Variants in CDH12 observed in about 807,000 individuals in gnomAD.
CDH12 encodes the protein cadherin 12.
CDH12 carries 41 observed loss-of-function variants against 74.1 expected under a neutral mutation model. The observed-to-expected ratio is 0.55, with a 90% CI of 0.43 to 0.72. CDH12 has a LOEUF of 0.72. Ranked by LOEUF, CDH12 falls within the 30% of genes least tolerant of loss-of-function variation. CDH12 has a pLI of 0.00. For synonymous variants in CDH12, 399 were observed against 355.0 expected, an observed-to-expected ratio of 1.12 and a Z score of -1.39; for missense variants, 945 against 977.2, an observed-to-expected ratio of 0.97 and a Z score of 0.44.
chr5:22,298,422 C>T (rs1737724414), intron 3 of CDH12, among the ~76,000 whole-genome samples: 1 of 151,904 alleles, frequency 6.6e-6, no homozygotes, highest in South Asian at 2.1e-4. Flanking sequence ...TATATCTAAG[C>T]AAACCTCTAA....
Position 22,773,128 on chromosome 5 carries a change from T to C in CDH12, c.-523+79930A>G, listed in dbSNP as rs7734549. On this transcript the variant is annotated intron_variant, in intron 1 of 14. Coordinates refer to ENST00000382254, the MANE Select transcript of CDH12 (RefSeq NM_004061.5). ...TATTCCTATCAAATTACCAATATAA[T>C]TCTTCATAGAATTAGGAATAGCTAT... is the stretch of plus-strand genomic sequence containing the variant. Among the ~76,000 whole-genome samples the C allele has an allele frequency of 9.8e-3, 1,490 of 152,204 alleles. 28 individuals are homozygous for C. Among genetic ancestry groups the C allele is most frequent in the African/African-American group, 0.034 (1,415 of 41,534 alleles).
intron 1 of CDH12, among the ~76,000 whole-genome samples, chr5:22,674,908 C>T (rs1486960085): frequency 6.6e-6 from 1 of 152,088 alleles, no homozygotes; most frequent in East Asian, 1.9e-4. Flanking sequence ...CAAGAGGTGA[C>T]TTGGGTGCTG....
intron 1 of CDH12, among the ~76,000 whole-genome samples, chr5:22,621,495 G>A (rs1737970991): frequency 6.6e-6 from 1 of 151,752 alleles, no homozygotes; most frequent in Non-Finnish European, 1.5e-5. Context: ...AAAATTCTCA[G>A]AATAAAACAA....
intron 11 of CDH12, among the ~76,000 whole-genome samples, chr5:21,768,874 C>T (rs371402725): frequency 3.9e-5 from 6 of 152,054 alleles, no homozygotes; most frequent in Non-Finnish European, 1.5e-5. Flanking sequence ...TACAAACACT[C>T]CTTAACAAAA....
intron 4 of CDH12, among the ~76,000 whole-genome samples, chr5:22,186,104 G>T (rs1334229135): frequency 2.0e-5 from 3 of 152,126 alleles, no homozygotes; most frequent in African/African-American, 4.8e-5. Context: ...AGATCTCTCT[G>T]CAGTTAAGTG....
chr5:22,434,850 G>T (rs1409543970), intron 2 of CDH12, among the ~76,000 whole-genome samples: 1 of 152,026 alleles, frequency 6.6e-6, no homozygotes, highest in African/African-American at 2.4e-5. Context: ...ATAACTGCTA[G>T]CCTCAGCCTC....
At chr5:21,777,599 T>G (rs892892642) in intron 11 of CDH12, among the ~76,000 whole-genome samples, 129 of 151,906 alleles carry the variant, frequency 8.5e-4, no homozygotes, top group Non-Finnish European at 1.1e-3. Context: ...CTCGGCTCAC[T>G]GCAACCTCCG....
intron 1 of CDH12, among the ~76,000 whole-genome samples, chr5:22,541,958 T>C (rs1738121077): frequency 6.6e-6 from 1 of 152,226 alleles, no homozygotes; most frequent in Non-Finnish European, 1.5e-5. Context: ...TTCATGGACA[T>C]GGCTTTCATT....
rs147110131 is a variant in CDH12, at chr5:21,783,390, T to C, written c.1361A>G (p.Gln454Arg). The C allele has an allele frequency of 8.6e-5, 139 of 1,612,870 alleles. No individual in the cohort carries two copies. The highest frequency in any genetic ancestry group is 9.9e-5 in the Non-Finnish European group (117 of 1,179,084). ...NELLDRESTA[Q>R]YNFSIIASKV... ...ACTCGCAATTATGGAGAAATTATAC[T>C]GCGCAGTGCTTTCTCTGTCTAGTAA... Residue 454 changes from glutamine to arginine, a missense_variant, in exon 11 of 15, where the codon CAG becomes CGG. Coordinates refer to ENST00000382254, the MANE Select transcript of CDH12 (RefSeq NM_004061.5).
intron 3 of CDH12, among the ~76,000 whole-genome samples, chr5:22,377,790 G>C (rs1210333941): frequency 2.0e-5 from 3 of 152,138 alleles, no homozygotes; most frequent in African/African-American, 7.2e-5. Flanking sequence ...GAGAAGGGCT[G>C]AATGGTACCC....
chr5:22,610,392 T>C (rs1737336954), intron 1 of CDH12, among the ~76,000 whole-genome samples: 2 of 152,150 alleles, frequency 1.3e-5, no homozygotes, highest in Non-Finnish European at 2.9e-5. Flanking sequence ...TTAATGCATA[T>C]AAATAAAATA....
chr5:22,134,003 G>C (rs2150290195), intron 4 of CDH12, among the ~76,000 whole-genome samples: 1 of 152,096 alleles, frequency 6.6e-6, no homozygotes, highest in South Asian at 2.1e-4. Flanking sequence ...GTTTGCACAG[G>C]GAAAACAAGA....
intron 4 of CDH12, among the ~76,000 whole-genome samples, chr5:22,118,658 C>T (rs770082669): frequency 5.3e-5 from 8 of 151,920 alleles, no homozygotes; most frequent in Non-Finnish European, 1.2e-4. Flanking sequence ...CTCCAGGATC[C>T]TAAAATGTCA....
intron 4 of CDH12, among the ~76,000 whole-genome samples, chr5:22,145,985 A>T (rs570044086): frequency 6.6e-6 from 1 of 152,022 alleles, no homozygotes; most frequent in South Asian, 2.1e-4. Context: ...AATGCATATC[A>T]TTTAAACATT....
At chr5:21,984,647 G>A (rs1757439005) in intron 5 of CDH12, among the ~76,000 whole-genome samples, 1 of 152,162 alleles carries the variant, frequency 6.6e-6, no homozygotes, top group Non-Finnish European at 1.5e-5. Flanking sequence ...TGTTATTTTT[G>A]TTCCTCTGTT....
At chr5:21,812,814 T>G (rs113970847) in intron 9 of CDH12, among the ~76,000 whole-genome samples, 28 of 152,238 alleles carry the variant, frequency 1.8e-4, no homozygotes, top group African/African-American at 5.8e-4. Context: ...AGATGTAGGG[T>G]GCAGGCTACA....
intron 1 of CDH12, among the ~76,000 whole-genome samples, chr5:22,579,425 C>T (rs138191871): frequency 6.6e-6 from 1 of 152,174 alleles, no homozygotes; most frequent in African/African-American, 2.4e-5. Flanking sequence ...ATAGTGGTAA[C>T]AGTGAATAGT....
At chr5:21,795,178 T>G (rs1746710629) in intron 10 of CDH12, among the ~76,000 whole-genome samples, 1 of 149,684 alleles carries the variant, frequency 6.7e-6, no homozygotes, top group African/African-American at 2.4e-5. Context: ...TTTGCAAAGC[T>G]ACAGGATCAT....
At chr5:22,446,771 C>A (rs1013056139) in intron 2 of CDH12, among the ~76,000 whole-genome samples, 2 of 152,054 alleles carry the variant, frequency 1.3e-5, no homozygotes, top group Admixed American at 6.6e-5. Context: ...TGACCATCTA[C>A]AACATTTCCA....
Sources: allele counts gnomAD v4.1 joint callset (sites outside exome capture counted in the v4.1 genomes callset), GRCh38; gene constraint gnomAD v4.1.1; transcripts MANE v1.5; gene names NCBI Gene and HGNC (gene_info 2026-07-23, HGNC 2026-07-21).